The following PRH1 variants were observed in gnomAD, a reference collection of about 807,000 sequenced individuals.
PRH1 encodes salivary acidic proline-rich phosphoprotein 1/2.
PRH1 carries 7 observed loss-of-function variants against 7.9 expected under a neutral mutation model. The ratio of observed to expected loss-of-function variants is 0.89; its 90% CI spans 0.50 to 1.67. PRH1 has a LOEUF of 1.67. Ranked by LOEUF, PRH1 falls within the 40% of genes most tolerant of loss-of-function variation. PRH1 has a pLI of 0.00. For missense variants in PRH1, 109 were observed against 223.6 expected, an observed-to-expected ratio of 0.49 and a Z score of 3.27; for synonymous variants, 45 against 80.8, an observed-to-expected ratio of 0.56 and a Z score of 2.38.
chr12:10,953,281 A>C (rs1358234525), intron 2 of PRH1, among the ~76,000 whole-genome samples: 1 of 151,940 alleles, frequency 6.6e-6, no homozygotes, highest in African/African-American at 2.4e-5. Flanking sequence ...AAAAGGCAGA[A>C]ATATGATTCA....
chr12:11,003,402 C>T (rs1240186335), intron 1 of PRH1, among the ~76,000 whole-genome samples: 5 of 151,566 alleles, frequency 3.3e-5, no homozygotes, highest in Admixed American at 6.6e-5. Context: ...TCCACACTTT[C>T]GTCAAAAAGT....
intron 1 of PRH1, chr12:11,031,526 A>C: frequency 1.5e-6 from 1 of 646,636 alleles, no homozygotes. Flanking sequence ...GAGAGAAAGG[A>C]CAAAGCTTCC....
intron 1 of PRH1, among the ~76,000 whole-genome samples, chr12:11,131,248 G>T (rs888987288): frequency 6.6e-6 from 1 of 152,174 alleles, no homozygotes; most frequent in African/African-American, 2.4e-5. Context: ...AGCCCTTCTG[G>T]AAAAGTTCTG....
chr12:11,037,487 C>T (rs1242544574), intron 1 of PRH1, among the ~76,000 whole-genome samples: 3 of 152,084 alleles, frequency 2.0e-5, no homozygotes, highest in South Asian at 4.1e-4. Flanking sequence ...AATTAAAATG[C>T]TAAAAATATG....
Position 10,965,025 on chromosome 12 carries a change from T to C in PRH1, c.-59+8630A>G, listed in dbSNP as rs1938436158. The C allele has an allele frequency of 4.5e-6, 4 of 889,634 alleles. No homozygotes were observed. The African/African-American group carries it at 5.1e-5, about 11-fold the overall frequency. 55.1% of individuals were successfully genotyped at this position (889,634 alleles called of 1,614,324 possible). A position where few individuals can be genotyped will look rare whatever the true frequency, so the allele number is the denominator to read the frequency against. ...AAAATAAAGTTGGAGAAATTGGCAA[T>C]CTTGAGGAAATAAAATATGCTGAGG... On this transcript the variant is annotated intron_variant, in intron 2 of 3. Transcript: ENST00000539853.
downstream of PRH1, among the ~76,000 whole-genome samples, chr12:11,117,426 A>C (rs1219580458): frequency 3.3e-5 from 5 of 152,148 alleles, no homozygotes; most frequent in African/African-American, 1.2e-4. Flanking sequence ...GACACCCAAA[A>C]AAAGAAAAGA....
intron 1 of PRH1, among the ~76,000 whole-genome samples, chr12:11,018,139 C>T (rs188665692): frequency 1.3e-5 from 2 of 151,958 alleles, no homozygotes; most frequent in African/African-American, 4.8e-5. Flanking sequence ...GCAACGTGGG[C>T]ATCATAGGAC....
intron 1 of PRH1, among the ~76,000 whole-genome samples, chr12:11,085,345 A>C (rs1263938532): frequency 1.4e-5 from 2 of 143,730 alleles, no homozygotes; most frequent in Non-Finnish European, 3.1e-5. Flanking sequence ...GAAATATCAA[A>C]ATAGTCTTTA....
At chr12:10,965,980 G>A (rs949751521) in intron 2 of PRH1, among the ~76,000 whole-genome samples, 3 of 152,090 alleles carry the variant, frequency 2.0e-5, no homozygotes, top group African/African-American at 7.2e-5. Flanking sequence ...TATGACATTA[G>A]TGTTAACAAG....
chr12:11,022,033 G>C, intron 1 of PRH1: 1 of 1,613,890 alleles, frequency 6.2e-7, no homozygotes, highest in South Asian at 1.1e-5. Context: ...TGCTAGAGTA[G>C]TTACAGTCAA....
intron 1 of PRH1, among the ~76,000 whole-genome samples, chr12:11,054,908 C>G (rs1443613685): frequency 6.9e-6 from 1 of 145,780 alleles, no homozygotes; most frequent in Non-Finnish European, 1.5e-5. Context: ...CAAGCTCCGC[C>G]TCACTGCAAG....
intron 2 of PRH1, among the ~76,000 whole-genome samples, chr12:10,922,052 G>A (rs969583734): frequency 6.6e-6 from 1 of 152,138 alleles, no homozygotes; most frequent in African/African-American, 2.4e-5. Flanking sequence ...TTACAGGCAG[G>A]TGCCACAGCA....
At chr12:10,899,472 A>T (rs751065466) in intron 2 of PRH1, among the ~76,000 whole-genome samples, 33 of 152,112 alleles carry the variant, frequency 2.2e-4, no homozygotes, top group Non-Finnish European at 4.3e-4. Context: ...CCTTGGTACC[A>T]TTTTCAATGT....
At position 11,046,372 on chromosome 12, in the gene PRH1, G is replaced by A. The variant is rs199790754; in HGVS notation, c.-126+648C>T. Among the ~76,000 whole-genome samples the A allele has an allele frequency of 4.6e-5, 7 of 152,256 alleles. No individual in the cohort carries two copies. In the East Asian group the frequency reaches 1.2e-3, roughly 25 times the overall value. On this transcript the variant is annotated intron_variant, in intron 1 of 3. Coordinates refer to the PRH1 transcript ENST00000539853. ...CTATACATGCATGGTATAGGGACCA[G>A]ACAAAGCTTTGGATAGTTTATATTC... is the stretch of plus-strand genomic sequence containing the variant.
intron 3 of PRH1, among the ~76,000 whole-genome samples, chr12:10,881,282 A>T (rs1949395916): frequency 1.3e-5 from 2 of 152,216 alleles, no homozygotes; most frequent in South Asian, 4.1e-4. Context: ...AAGAGAAACA[A>T]TTATTGTTAT....
intron 1 of PRH1, among the ~76,000 whole-genome samples, chr12:10,976,865 G>A (rs1565514990): frequency 6.6e-6 from 1 of 151,928 alleles, no homozygotes; most frequent in African/African-American, 2.4e-5. Context: ...ACTGAACTAA[G>A]AAGAAATTGC....
At chr12:10,962,759 ATC>A (rs1336191413) in intron 2 of PRH1, among the ~76,000 whole-genome samples, 2 of 152,040 alleles carry the variant, frequency 1.3e-5, no homozygotes, top group Non-Finnish European at 2.9e-5. Flanking sequence ...GGTCTGCAGG[ATC>A]TCTGTTTTTT....
rs1309633130 is a variant in PRH1, at chr12:11,062,097, C to A, written n.124-14909G>T. 1.9e-6 allele frequency: 3 copies of A among 1,613,574 alleles called. No individual in the cohort carries two copies. In the South Asian group the frequency reaches 3.3e-5, roughly 18 times the overall value. On this transcript the variant is annotated intron_variant and non_coding_transcript_variant, in intron 1 of 4. Coordinates refer to the PRH1 transcript ENST00000541977. ...AAGCTGGATTCAACTCAGTTGCATA[C>A]CAATTTAATACTAATACCCAGAGTA...
At chr12:10,986,389 A>T (rs1470898844) in intron 1 of PRH1, 7 of 1,613,968 alleles carry the variant, frequency 4.3e-6, no homozygotes, top group Non-Finnish European at 5.9e-6. Flanking sequence ...TTTCCTTCAT[A>T]TTCTTCTGCC....
Sources: allele counts gnomAD v4.1 joint callset (sites outside exome capture counted in the v4.1 genomes callset), GRCh38; gene constraint gnomAD v4.1.1; transcripts MANE v1.5; gene names NCBI Gene and HGNC (gene_info 2026-07-23, HGNC 2026-07-21).